SLC9A9: variants seen among roughly 807,000 people sequenced by gnomAD.
The protein encoded by SLC9A9 is solute carrier family 9 member A9, also known as sodium/hydrogen exchanger 9.
Under a neutral mutation model 77.8 loss-of-function variants are expected in SLC9A9, and 62 were observed. The ratio of observed to expected loss-of-function variants is 0.80; its 90% confidence interval spans 0.65 to 0.98. SLC9A9 has a LOEUF of 0.98. Among genes scored for constraint, SLC9A9 ranks in the 50% least tolerant of loss-of-function variants. The probability of loss-of-function intolerance (pLI) is 0.00; values close to 1 mark genes in which losing one functional copy is unlikely to be tolerated. For missense variants in SLC9A9, 775 were observed against 774.9 expected, an observed-to-expected ratio of 1.00 and a Z score of 0.00; for synonymous variants, 320 against 283.5, an observed-to-expected ratio of 1.13 and a Z score of -1.29.
At chr3:143,521,537 T>C (rs1000427904) in intron 9 of SLC9A9, among the ~76,000 whole-genome samples, 1 of 152,140 alleles carries the variant, frequency 6.6e-6, no homozygotes, top group Non-Finnish European at 1.5e-5. Context: ...ACTATTGATA[T>C]ATTTGAATTT....
At chr3:143,821,623 G>T (rs1459269441) in intron 2 of SLC9A9, among the ~76,000 whole-genome samples, 1 of 152,138 alleles carries the variant, frequency 6.6e-6, no homozygotes, top group Non-Finnish European at 1.5e-5. Flanking sequence ...TTAGTGATGG[G>T]CTTGTAAACC....
intron 6 of SLC9A9, among the ~76,000 whole-genome samples, chr3:143,606,432 C>CTATATATATATATATA (rs1287074508): frequency 6.3e-4 from 37 of 58,684 alleles, no homozygotes; most frequent in Non-Finnish European, 8.6e-4. Flanking sequence ...CTCTCTCTCT[C>CTATATATATATATATA]TCTCTATATA....
chr3:143,280,992 A>C (rs1044494830), intron 14 of SLC9A9, among the ~76,000 whole-genome samples: 7 of 152,172 alleles, frequency 4.6e-5, no homozygotes, highest in Admixed American at 1.3e-4. Flanking sequence ...TTTATACTGG[A>C]CATTGCTAGC....
At chr3:143,369,041 CTG>C (rs2032983255) in intron 13 of SLC9A9, among the ~76,000 whole-genome samples, 1 of 151,958 alleles carries the variant, frequency 6.6e-6, no homozygotes, top group Non-Finnish European at 1.5e-5. Flanking sequence ...GAGAAAAAAA[CTG>C]AGACAACTAG....
intron 9 of SLC9A9, chr3:143,517,811 G>C: frequency 6.2e-7 from 1 of 1,600,164 alleles, no homozygotes; most frequent in South Asian, 1.1e-5. Context: ...CAGCTTGATG[G>C]CATCTGTGAA....
intron 2 of SLC9A9, among the ~76,000 whole-genome samples, chr3:143,828,861 A>G (rs1328279975): frequency 2.6e-5 from 4 of 152,196 alleles, no homozygotes; most frequent in Admixed American, 2.6e-4. Flanking sequence ...CTCTCTCCTC[A>G]CCATTTCACC....
intron 9 of SLC9A9, among the ~76,000 whole-genome samples, chr3:143,509,113 T>C (rs1263715901): frequency 6.6e-6 from 1 of 152,142 alleles, no homozygotes; most frequent in African/African-American, 2.4e-5. Flanking sequence ...ATAGAAAGCT[T>C]GAAACTTAGA....
At position 143,344,727 on chromosome 3, in the gene SLC9A9, G is replaced by A. The variant is rs1158278786; in HGVS notation, c.1604+18757C>T. 3 of 151,912 alleles carry A rather than the reference G, an allele frequency of 2.0e-5. No homozygotes were observed. In the East Asian group the frequency reaches 5.8e-4, roughly 29 times the overall value. 9.4% of individuals were successfully genotyped at this position (151,912 alleles called of 1,614,324 possible). On this transcript the variant is annotated intron_variant, in intron 14 of 15. Coordinates refer to ENST00000316549, the MANE Select transcript of SLC9A9 (RefSeq NM_173653.4). ...CAGAAATGGTGCCTACCATTAATGT[G>A]GTTTTTCTTTTAAAAAACAAAATGT...
chr3:143,290,981 G>A (rs1335097661), intron 14 of SLC9A9, among the ~76,000 whole-genome samples: 1 of 152,196 alleles, frequency 6.6e-6, no homozygotes, highest in African/African-American at 2.4e-5. Flanking sequence ...AAAAGGACCT[G>A]ACACACAGTT....
chr3:143,389,544 C>A (rs994992707), intron 12 of SLC9A9, among the ~76,000 whole-genome samples: 2 of 152,196 alleles, frequency 1.3e-5, no homozygotes, highest in African/African-American at 2.4e-5. Flanking sequence ...CTGGGAATTT[C>A]CCCCAAGGGA....
At chr3:143,442,888 G>A (rs1177203099) in intron 12 of SLC9A9, among the ~76,000 whole-genome samples, 5 of 152,088 alleles carry the variant, frequency 3.3e-5, no homozygotes, top group African/African-American at 7.2e-5. Context: ...GCCAGCCCAT[G>A]GGGCCCGGTG....
intron 6 of SLC9A9, among the ~76,000 whole-genome samples, chr3:143,581,787 C>T (rs1012916457): frequency 6.6e-6 from 1 of 152,160 alleles, no homozygotes. Context: ...ACATGGGCAG[C>T]ACCTTCCTGT....
chr3:143,511,811 C>T (rs2036119712), intron 9 of SLC9A9, among the ~76,000 whole-genome samples: 1 of 152,154 alleles, frequency 6.6e-6, no homozygotes, highest in Non-Finnish European at 1.5e-5. Context: ...ACACTTTGGT[C>T]TTTTATCTGC....
chr3:143,781,858 A>C (rs1264303053), intron 4 of SLC9A9, among the ~76,000 whole-genome samples: 1 of 152,216 alleles, frequency 6.6e-6, no homozygotes, highest in Non-Finnish European at 1.5e-5. Flanking sequence ...AGGAATGAGT[A>C]AGTAAGGGTG....
intron 12 of SLC9A9, among the ~76,000 whole-genome samples, chr3:143,459,740 C>G (rs111375442): frequency 0.012 from 1,764 of 152,204 alleles, 33 homozygotes; most frequent in African/African-American, 0.04. Flanking sequence ...CTTCCCAAAG[C>G]CTCTTTTCCT....
intron 12 of SLC9A9, among the ~76,000 whole-genome samples, chr3:143,410,708 T>G (rs368326186): frequency 6.6e-6 from 1 of 152,222 alleles, no homozygotes; most frequent in Admixed American, 6.5e-5. Context: ...GTGGTATACA[T>G]AAATTTTATT....
intron 4 of SLC9A9, among the ~76,000 whole-genome samples, chr3:143,694,555 A>G (rs985114169): frequency 1.3e-5 from 2 of 152,172 alleles, no homozygotes; most frequent in African/African-American, 4.8e-5. Context: ...CACATGCTTT[A>G]TTTAACTCAT....
intron 6 of SLC9A9, among the ~76,000 whole-genome samples, chr3:143,595,355 C>T (rs2037736372): frequency 1.3e-5 from 2 of 152,114 alleles, no homozygotes; most frequent in South Asian, 4.2e-4. Flanking sequence ...CATTTTCTAC[C>T]AACAATCCTT....
In SLC9A9 at chr3:143,735,464, T is replaced by G. The variant is rs539105851; in HGVS notation, c.534-42157A>C. 3.3e-5 allele frequency among the ~76,000 whole-genome samples: 5 copies of G among 152,310 alleles called. No individual in the cohort carries two copies. The East Asian group carries it at 9.6e-4, about 29-fold the overall frequency. On this transcript the variant is annotated intron_variant, in intron 4 of 15. Coordinates refer to ENST00000316549, the MANE Select transcript of SLC9A9 (RefSeq NM_173653.4). ...AGGAAAAGTAATGTTGGAGATGAAGTCTTTTTTCATGGTCTGCCCAACAAA... is the reference window on the plus strand; with the variant it reads ...AGGAAAAGTAATGTTGGAGATGAAGGCTTTTTTCATGGTCTGCCCAACAAA...
Sources: allele counts gnomAD v4.1 joint callset (sites outside exome capture counted in the v4.1 genomes callset), GRCh38; gene constraint gnomAD v4.1.1; transcripts MANE v1.5; gene names NCBI Gene and HGNC (gene_info 2026-07-23, HGNC 2026-07-21).